BLTP1: variants seen among roughly 807,000 people sequenced by gnomAD.
BLTP1 encodes the protein bridge-like lipid transfer protein family member 1.
the BLTP1 span, chr4:122,347,768 T>C: frequency 6.2e-7 from 1 of 1,612,946 alleles, no homozygotes. Context: ...GATTCTTCAG[T>C]TCCTCGAAGA....
chr4:122,273,355 C>A, the BLTP1 span: 71 of 984,338 alleles, frequency 7.2e-5, no homozygotes, highest in Non-Finnish European at 8.1e-5. Flanking sequence ...GTGAACCACA[C>A]ACACGGTTCT....
chr4:122,276,111 A>G, the BLTP1 span: 1 of 1,106,616 alleles, frequency 9.0e-7, no homozygotes, highest in Non-Finnish European at 1.2e-6. Context: ...ATGGCTGTGA[A>G]TTATTTAGTT....
At chr4:122,326,593 T>G in the BLTP1 span, among the ~76,000 whole-genome samples, 2 of 151,616 alleles carry the variant, frequency 1.3e-5, no homozygotes, top group Non-Finnish European at 3.0e-5. Context: ...AAAGAAAGAA[T>G]TTACACGAAT....
At chr4:122,265,713 G>C in the BLTP1 span, among the ~76,000 whole-genome samples, 1 of 152,050 alleles carries the variant, frequency 6.6e-6, no homozygotes, top group Admixed American at 6.6e-5. Flanking sequence ...TTGTTTGTTT[G>C]TTTGAGACAG....
the BLTP1 span, chr4:122,207,235 A>G: frequency 6.2e-7 from 1 of 1,610,744 alleles, no homozygotes; most frequent in Middle Eastern, 1.7e-4. Context: ...ACACAATTGG[A>G]TCGACTGTTC....
At chr4:122,239,592 A>C in the BLTP1 span, 1 of 1,614,072 alleles carries the variant, frequency 6.2e-7, no homozygotes, top group Non-Finnish European at 8.5e-7. Flanking sequence ...ATCTCCTCTT[A>C]GATCTCCCTT....
chr4:122,312,558 G>T, the BLTP1 span, among the ~76,000 whole-genome samples: 3 of 152,134 alleles, frequency 2.0e-5, no homozygotes, highest in African/African-American at 7.2e-5. Context: ...TGAATTGGGT[G>T]ATACTCCAAA....
At chr4:122,194,648 C>T in the BLTP1 span, 1 of 968,906 alleles carries the variant, frequency 1.0e-6, no homozygotes. Flanking sequence ...AATGCTTTAA[C>T]ATAGGGCCAT....
the BLTP1 span, chr4:122,286,853 A>G: frequency 3.9e-6 from 5 of 1,277,880 alleles, no homozygotes; most frequent in Non-Finnish European, 5.5e-6. Context: ...ATGTACCAAA[A>G]TATGTAGTAA....
chr4:122,190,233 A>T, the BLTP1 span: 2 of 650,716 alleles, frequency 3.1e-6, no homozygotes, highest in African/African-American at 2.0e-5. Flanking sequence ...AGTTGCTAAG[A>T]TGACAGGAAT....
the BLTP1 span, among the ~76,000 whole-genome samples, chr4:122,160,317 A>G: frequency 3.9e-5 from 6 of 152,182 alleles, no homozygotes; most frequent in African/African-American, 1.4e-4. Flanking sequence ...ATTCTTAAGA[A>G]TATTGGTTAG....
At chr4:122,160,530 T>C in the BLTP1 span, among the ~76,000 whole-genome samples, 3 of 152,222 alleles carry the variant, frequency 2.0e-5, no homozygotes, top group Admixed American at 6.5e-5. Context: ...AGACACATAT[T>C]TTGTATACTT....
the BLTP1 span, chr4:122,333,803 T>C: frequency 1.4e-5 from 23 of 1,607,958 alleles, no homozygotes; most frequent in South Asian, 1.6e-4. Flanking sequence ...CCGGAGTTGA[T>C]GTAAAGGTAA....
At chr4:122,339,112 T>C in the BLTP1 span, 3 of 1,373,916 alleles carry the variant, frequency 2.2e-6, no homozygotes, top group Non-Finnish European at 3.0e-6. Context: ...AAAAAAAATG[T>C]TTCTTAAGTT....
the BLTP1 span, chr4:122,343,678 C>A: frequency 3.3e-6 from 5 of 1,525,252 alleles, no homozygotes; most frequent in Non-Finnish European, 4.5e-6. Flanking sequence ...GCTTTATTTT[C>A]ATAAATCATA....
chr4:122,312,570 T>A, the BLTP1 span, among the ~76,000 whole-genome samples: 1 of 152,162 alleles, frequency 6.6e-6, no homozygotes, highest in African/African-American at 2.4e-5. Flanking sequence ...TACTCCAAAA[T>A]CAAATCTAGT....
At chr4:122,239,172 C>T in the BLTP1 span, among the ~76,000 whole-genome samples, 1 of 152,060 alleles carries the variant, frequency 6.6e-6, no homozygotes, top group Admixed American at 6.6e-5. Flanking sequence ...TAATCAGAGG[C>T]ACCTGGTGTA....
At chr4:122,320,349 C>G in the BLTP1 span, among the ~76,000 whole-genome samples, 3 of 151,994 alleles carry the variant, frequency 2.0e-5, no homozygotes, top group Non-Finnish European at 2.9e-5. Context: ...CAGGGTCTTG[C>G]TATGTTGCCC....
At chr4:122,286,424 T>G in the BLTP1 span, 1 of 1,495,904 alleles carries the variant, frequency 6.7e-7, no homozygotes. Context: ...TTCATATATT[T>G]CAAGATAGGT....
Sources: allele counts gnomAD v4.1 joint callset (sites outside exome capture counted in the v4.1 genomes callset), GRCh38; gene constraint gnomAD v4.1.1; transcripts MANE v1.5; gene names NCBI Gene and HGNC (gene_info 2026-07-23, HGNC 2026-07-21).